The following ENOX2 variants were observed in gnomAD, a reference collection of about 807,000 sequenced individuals.
The protein encoded by ENOX2 is APK1 antigen.
In ENOX2, 36 loss-of-function variants were observed where a neutral mutation model predicts 45.0. The observed-to-expected ratio is 0.80, with a 90% CI of 0.61 to 1.06. The LOEUF (loss-of-function observed/expected upper bound fraction) is 1.06. ENOX2 is among the 50% of genes least tolerant of loss of function. ENOX2 has a pLI of 0.00. For synonymous variants in ENOX2, 174 were observed against 152.3 expected (o/e 1.14, Z -1.05); for missense variants, 423 against 462.5 (o/e 0.91, Z 0.78).
intron 3 of ENOX2, among the ~76,000 whole-genome samples, chrX:130,753,014 C>T (rs757690322): frequency 4.5e-5 from 5 of 110,939 alleles, no homozygotes; most frequent in South Asian, 3.9e-4. Context: ...CTGCAATACC[C>T]GCAACACCCC....
intron 2 of ENOX2, among the ~76,000 whole-genome samples, chrX:130,844,540 G>A (rs2078065974): frequency 8.9e-6 from 1 of 111,884 alleles, no homozygotes; most frequent in Non-Finnish European, 1.9e-5. Flanking sequence ...ATGTTAAATC[G>A]TTACACGATA....
chrX:130,761,611 C>T (rs1275441402), intron 3 of ENOX2, among the ~76,000 whole-genome samples: 1 of 111,665 alleles, frequency 9.0e-6, no homozygotes, highest in Non-Finnish European at 1.9e-5. Context: ...TCTGCTTTGC[C>T]TCTGGGGAGG....
Position 130,838,211 on chromosome X carries a change from G to A in ENOX2, c.-182-54521C>T, listed in dbSNP as rs182209982. On this transcript the variant is annotated intron_variant, in intron 2 of 14. Coordinates refer to ENST00000394363, the MANE Select transcript of ENOX2 (RefSeq NM_006375.4). ...AGCCTGGCCAACATGGTAAAACCCCGTCTCTGCTAAAAATACAAACATTAG... is the reference window on the plus strand; with the variant it reads ...AGCCTGGCCAACATGGTAAAACCCCATCTCTGCTAAAAATACAAACATTAG... Among the ~76,000 whole-genome samples the A allele has an allele frequency of 3.3e-4, 37 of 111,133 alleles. No homozygotes were observed. The East Asian group carries it at 9.7e-3, about 29-fold the overall frequency.
At chrX:130,868,233 A>C (rs2078520624) in intron 2 of ENOX2, among the ~76,000 whole-genome samples, 1 of 111,862 alleles carries the variant, frequency 8.9e-6, no homozygotes, top group African/African-American at 3.2e-5. Flanking sequence ...ATTTCATAGA[A>C]TTATTCATAA....
chrX:130,656,549 T>G (rs746908269), intron 10 of ENOX2, 32 bp downstream of exon 10: 8 of 894,262 alleles, frequency 8.9e-6, no homozygotes, highest in Non-Finnish European at 1.6e-6. Flanking sequence ...AAGTACATGT[T>G]TATTAAATAA....
intron 2 of ENOX2, among the ~76,000 whole-genome samples, chrX:130,796,451 C>G (rs926034350): frequency 8.9e-6 from 1 of 111,977 alleles, no homozygotes; most frequent in African/African-American, 3.2e-5. Context: ...CAGGAAACAG[C>G]AGTAAATGGC....
At chrX:130,811,743 CAAAT>C (rs1253591015) in intron 2 of ENOX2, among the ~76,000 whole-genome samples, 1 of 112,101 alleles carries the variant, frequency 8.9e-6, no homozygotes, top group Non-Finnish European at 1.9e-5. Context: ...ATATGTCTGA[CAAAT>C]AAGTCAAATT....
At chrX:130,853,792 T>C (rs1457640107) in intron 2 of ENOX2, among the ~76,000 whole-genome samples, 1 of 110,892 alleles carries the variant, frequency 9.0e-6, no homozygotes. Context: ...AGCAAAGGCC[T>C]AAAGGGGAGC....
At chrX:130,745,039 C>A (rs1012964309) in intron 3 of ENOX2, among the ~76,000 whole-genome samples, 1 of 111,605 alleles carries the variant, frequency 9.0e-6, no homozygotes, top group Non-Finnish European at 1.9e-5. Flanking sequence ...CCATACCCCC[C>A]GACTCAGTCT....
At chrX:130,843,400 C>A (rs1186257800) in intron 2 of ENOX2, among the ~76,000 whole-genome samples, 1 of 111,836 alleles carries the variant, frequency 8.9e-6, no homozygotes, top group African/African-American at 3.3e-5. Flanking sequence ...TGCCTCCAAC[C>A]AACTCTCTAG....
intron 2 of ENOX2, among the ~76,000 whole-genome samples, chrX:130,813,819 C>T (rs1228727869): frequency 8.9e-6 from 1 of 111,880 alleles, no homozygotes; most frequent in Admixed American, 9.4e-5. Context: ...TAAAAGTGGG[C>T]GGCCGTTTGG....
At chrX:130,707,816 A>G (rs1254401701) in intron 3 of ENOX2, among the ~76,000 whole-genome samples, 1 of 112,215 alleles carries the variant, frequency 8.9e-6, no homozygotes, top group Non-Finnish European at 1.9e-5. Context: ...CATCAAGAGC[A>G]TTGGTCTGGG....
chrX:130,769,036 G>C (rs1384794582), intron 3 of ENOX2, among the ~76,000 whole-genome samples: 1 of 111,169 alleles, frequency 9.0e-6, no homozygotes, highest in Non-Finnish European at 1.9e-5. Flanking sequence ...TCCGCATGAC[G>C]CTCTATGAAG....
chrX:130,726,442 C>T (rs934136309), intron 3 of ENOX2, among the ~76,000 whole-genome samples: 2 of 112,351 alleles, frequency 1.8e-5, no homozygotes, highest in African/African-American at 6.5e-5. Context: ...TTCACGCATA[C>T]TGCTGCTTCC....
At chrX:130,759,577 CAAAAAAAAAA>C (rs753411112) in intron 3 of ENOX2, among the ~76,000 whole-genome samples, 6 of 19,948 alleles carry the variant, frequency 3.0e-4, no homozygotes, top group Admixed American at 1.1e-3. Flanking sequence ...GACTATGTAC[CAAAAAAAAAA>C]AAAAAAAAAA....
intron 10 of ENOX2, among the ~76,000 whole-genome samples, chrX:130,639,216 C>T (rs2036016601): frequency 9.0e-6 from 1 of 111,689 alleles, no homozygotes; most frequent in East Asian, 2.8e-4. Context: ...TCTATTTTAC[C>T]AGAGCCTCAC....
At chrX:130,683,844 C>T (rs1199211171) in intron 5 of ENOX2, among the ~76,000 whole-genome samples, 1 of 110,930 alleles carries the variant, frequency 9.0e-6, no homozygotes, top group Non-Finnish European at 1.9e-5. Flanking sequence ...GTTGCTTCTG[C>T]AACAATGGGG....
intron 3 of ENOX2, among the ~76,000 whole-genome samples, chrX:130,765,730 A>G (rs758231775): frequency 1.8e-5 from 2 of 111,916 alleles, no homozygotes; most frequent in South Asian, 3.7e-4. Flanking sequence ...GATTCTCTTG[A>G]GTATTTACCT....
intron 2 of ENOX2, among the ~76,000 whole-genome samples, chrX:130,800,791 C>A (rs183582146): frequency 1.8e-5 from 2 of 111,950 alleles, no homozygotes; most frequent in African/African-American, 6.5e-5. Context: ...GGTCATTTTA[C>A]AATTTAGTAA....
Sources: allele counts gnomAD v4.1 joint callset (sites outside exome capture counted in the v4.1 genomes callset), GRCh38; gene constraint gnomAD v4.1.1; transcripts MANE v1.5; gene names NCBI Gene and HGNC (gene_info 2026-07-23, HGNC 2026-07-21).